The following XXYLT1 variants were observed in gnomAD, a reference collection of about 807,000 sequenced individuals.
XXYLT1 encodes the protein UDP-xylose:alpha-xyloside alpha-1,3-xylosyltransferase.
In XXYLT1, 20 loss-of-function variants were observed where a neutral mutation model predicts 28.9. The observed-to-expected ratio is 0.69, with a 90% confidence interval of 0.49 to 1.00. The LOEUF (loss-of-function observed/expected upper bound fraction) is 1.00, where lower values mean the gene tolerates loss of function less well. XXYLT1 is among the 50% of genes least tolerant of loss of function. The pLI, the probability that XXYLT1 is intolerant of heterozygous loss-of-function variation, is 0.00. For missense variants in XXYLT1, 542 were observed against 560.1 expected (o/e 0.97, Z 0.33); for synonymous variants, 257 against 253.8 (o/e 1.01, Z -0.12).
intron 3 of XXYLT1, among the ~76,000 whole-genome samples, chr3:195,084,329 A>G (rs997611326): frequency 2.0e-5 from 3 of 152,064 alleles, no homozygotes; most frequent in Non-Finnish European, 4.4e-5. Context: ...TGCCCCAGGG[A>G]TACTTAGAGG....
intron 2 of XXYLT1, among the ~76,000 whole-genome samples, chr3:195,218,570 A>C (rs1397908583): frequency 6.6e-6 from 1 of 152,046 alleles, no homozygotes; most frequent in Non-Finnish European, 1.5e-5. Context: ...AAAAATGCTC[A>C]TCATCACTGG....
At chr3:195,175,676 C>A (rs1252841622) in intron 2 of XXYLT1, 1 of 1,536,052 alleles carries the variant, frequency 6.5e-7, no homozygotes, top group Non-Finnish European at 8.7e-7. Flanking sequence ...GGCCACATGA[C>A]TAGCTCCTGG....
chr3:195,231,767 T>A (rs978463468), intron 1 of XXYLT1, among the ~76,000 whole-genome samples: 13 of 150,172 alleles, frequency 8.7e-5, no homozygotes, highest in East Asian at 7.8e-4. Flanking sequence ...TTTTTTTTTT[T>A]AAATGTACTG....
intron 3 of XXYLT1, among the ~76,000 whole-genome samples, chr3:195,089,907 A>C (rs1453350235): frequency 6.6e-6 from 1 of 152,236 alleles, no homozygotes; most frequent in African/African-American, 2.4e-5. Context: ...CTTTAAAGCA[A>C]CAAAGATAAA....
At chr3:195,263,513 T>A (rs139944338) in intron 1 of XXYLT1, among the ~76,000 whole-genome samples, 2 of 152,114 alleles carry the variant, frequency 1.3e-5, no homozygotes, top group African/African-American at 4.8e-5. Context: ...TTACCAAGAG[T>A]GGCTGTTATA....
chr3:195,268,431 C>CA (rs56751794), intron 1 of XXYLT1, among the ~76,000 whole-genome samples: 1,516 of 133,278 alleles, frequency 0.011, 9 homozygotes, highest in Non-Finnish European at 0.015. Context: ...AACTCTGTCT[C>CA]AAAAAAAAAA....
chr3:195,179,665 C>G (rs769562086), intron 2 of XXYLT1, among the ~76,000 whole-genome samples: 4 of 151,960 alleles, frequency 2.6e-5, no homozygotes, highest in Non-Finnish European at 5.9e-5. Context: ...CAGAAAAACC[C>G]CAAAAACAGA....
Position 195,256,580 on chromosome 3 carries a change from C to A in XXYLT1, c.504+13975G>T. 1.0e-6 allele frequency: 1 copy of A among 985,422 alleles called. No individual in the cohort carries two copies. The highest frequency in any genetic ancestry group is 1.7e-5 in the African/African-American group (1 of 57,356). 61.0% of individuals were successfully genotyped at this position (985,422 alleles called of 1,614,324 possible). A position where few individuals can be genotyped will look rare whatever the true frequency, so the allele number is the denominator to read the frequency against. On this transcript the variant is annotated intron_variant, in intron 1 of 3. Coordinates refer to ENST00000310380, the MANE Select transcript of XXYLT1 (RefSeq NM_152531.5). This position sits in a 1 kb window ranked among gnomAD's most constrained non-coding sequence, Gnocchi z 4.2. ...CACACCCCGCAACTTCTCACCCGCA[C>A]ATTCAGGATGGGGTCTGGAAAGGGC...
At chr3:195,102,185 A>T (rs1716829017) in intron 3 of XXYLT1, among the ~76,000 whole-genome samples, 2 of 152,248 alleles carry the variant, frequency 1.3e-5, no homozygotes. Flanking sequence ...TGTAAGATAT[A>T]CAACATGATA....
rs532741544 is a variant in XXYLT1, at chr3:195,108,580, G to A, written c.786-38469C>T. On this transcript the variant is annotated intron_variant, in intron 3 of 3. Coordinates refer to ENST00000310380, the MANE Select transcript of XXYLT1 (RefSeq NM_152531.5). The stretch of plus-strand genomic sequence containing the variant: ...GATTTCGTCTTTGTGTGAACACACA[G>A]AGTGACTTCCACAAACCTAGATGGT... Among the ~76,000 whole-genome samples the A allele has an allele frequency of 1.3e-3, 193 of 152,316 alleles. 2 individuals carry two copies. Among genetic ancestry groups the A allele is most frequent in the African/African-American group, 4.6e-3 (191 of 41,578 alleles).
In XXYLT1 at chr3:195,180,515, C is replaced by T; in HGVS notation, c.653-23934G>A. On this transcript the variant is annotated intron_variant, in intron 2 of 3. Coordinates refer to ENST00000310380, the MANE Select transcript of XXYLT1 (RefSeq NM_152531.5). The surrounding 1 kb of genome is among the most constrained non-coding windows in gnomAD (Gnocchi z 5.8). Reference sequence around the variant, plus strand: ...ATGCTCCTCTTCCTGGCTCTGTAGCCCTTGAAAAGAAGCAAACAAACAGAT... The same window carrying T: ...ATGCTCCTCTTCCTGGCTCTGTAGCTCTTGAAAAGAAGCAAACAAACAGAT... 1 of 985,464 alleles carries T rather than the reference C, an allele frequency of 1.0e-6. No individual in the cohort carries two copies. The highest frequency in any genetic ancestry group is 1.2e-6 in the Non-Finnish European group (1 of 829,978). 61.0% of individuals were successfully genotyped at this position (985,464 alleles called of 1,614,324 possible).
chr3:195,143,878 A>T (rs796495723), intron 3 of XXYLT1, among the ~76,000 whole-genome samples: 26 of 117,216 alleles, frequency 2.2e-4, no homozygotes, highest in South Asian at 6.0e-4. Flanking sequence ...ATAGATATAT[A>T]TATATATATA....
In XXYLT1 at chr3:195,226,579, T is replaced by C. The variant is rs539508805; in HGVS notation, c.652+130A>G. ...GGTGGTACAAAGGGCTTGGTCTGGC[T>C]CCCTCGTCCACTCTTTCATGTTCAG... On this transcript the variant is annotated intron_variant, in intron 2 of 3. Coordinates refer to ENST00000310380, the MANE Select transcript of XXYLT1 (RefSeq NM_152531.5). 54 of 1,245,890 alleles carry C rather than the reference T, an allele frequency of 4.3e-5. 1 individual carries two copies. The South Asian group carries it at 7.1e-4, about 16-fold the overall frequency. The allele number at this position is 1,245,890 out of a possible 1,614,324, so 77.2% of individuals were successfully genotyped here. A position where few individuals can be genotyped will look rare whatever the true frequency, so the allele number is the denominator to read the frequency against.
chr3:195,117,223 A>G (rs1313362373), intron 3 of XXYLT1, among the ~76,000 whole-genome samples: 1 of 152,164 alleles, frequency 6.6e-6, no homozygotes, highest in East Asian at 1.9e-4. Context: ...ACACATACAC[A>G]CACGCGTCCA....
intron 3 of XXYLT1, among the ~76,000 whole-genome samples, chr3:195,125,462 G>A (rs1227473565): frequency 2.0e-5 from 3 of 152,206 alleles, no homozygotes; most frequent in African/African-American, 7.2e-5. Context: ...CCGGAGGGGC[G>A]TAGGAAGGAG....
chr3:195,241,820 C>G (rs558893778), intron 1 of XXYLT1, among the ~76,000 whole-genome samples: 1 of 152,182 alleles, frequency 6.6e-6, no homozygotes, highest in East Asian at 1.9e-4. Context: ...AACACACACA[C>G]ACATGCACAC....
At chr3:195,264,804 A>G (rs1207951497) in intron 1 of XXYLT1, among the ~76,000 whole-genome samples, 2 of 152,158 alleles carry the variant, frequency 1.3e-5, no homozygotes, top group Non-Finnish European at 2.9e-5. Context: ...TTGGCTCACA[A>G]CTGCAGTCCA....
rs1721503827 is a variant in XXYLT1, at chr3:195,173,347, C to T, written c.653-16766G>A. On this transcript the variant is annotated intron_variant, in intron 2 of 3. Coordinates refer to ENST00000310380, the MANE Select transcript of XXYLT1 (RefSeq NM_152531.5). The surrounding 1 kb of genome is among the most constrained non-coding windows in gnomAD (Gnocchi z 4.3). ...GGGAAAGACGCAGCGTCTCCTCCCC[C>T]AGCATCTGCCTGGCCATTATGGCCT... is the stretch of plus-strand genomic sequence containing the variant. Among the ~76,000 whole-genome samples, 1 of 152,184 alleles carries T rather than the reference C, an allele frequency of 6.6e-6. No homozygotes were observed. Among genetic ancestry groups the T allele is most frequent in the Non-Finnish European group, 1.5e-5 (1 of 68,022 alleles).
At chr3:195,156,141 C>T (rs1295094867) in intron 3 of XXYLT1, among the ~76,000 whole-genome samples, 1 of 152,184 alleles carries the variant, frequency 6.6e-6, no homozygotes, top group Non-Finnish European at 1.5e-5. Context: ...GTTAAATCTT[C>T]CTCCGTAAGG....
Sources: gnomAD v4.1 joint callset for allele counts (sites outside exome capture counted in the v4.1 genomes callset) on GRCh38, gnomAD v4.1.1 for gene constraint, Gnocchi (gnomAD v3.1) non-coding constraint, MANE v1.5 for transcripts, NCBI Gene and HGNC (gene_info 2026-07-23, HGNC 2026-07-21) for gene names.